The following RAD54B variants were observed in gnomAD, a reference collection of about 807,000 sequenced individuals.
RAD54B encodes the protein RAD54 homolog B, also known as DNA repair and recombination protein RAD54B.
A neutral mutation model predicts 95.8 loss-of-function variants in RAD54B; 78 were observed. The observed-to-expected ratio is 0.81, with a 90% confidence interval of 0.68 to 0.98. The LOEUF (loss-of-function observed/expected upper bound fraction) is 0.98, where lower values mean the gene tolerates loss of function less well. RAD54B is among the 50% of genes least tolerant of loss of function. The probability of loss-of-function intolerance (pLI) is 0.00; values close to 1 mark genes in which losing one functional copy is unlikely to be tolerated. For missense variants in RAD54B, 957 were observed against 1,056.6 expected (o/e 0.91, Z 1.31); for synonymous variants, 328 against 354.9 (o/e 0.92, Z 0.85).
chr8:94,402,158 T>G (rs1409964690), intron 6 of RAD54B, among the ~76,000 whole-genome samples: 1 of 152,198 alleles, frequency 6.6e-6, no homozygotes, highest in Non-Finnish European at 1.5e-5. Flanking sequence ...TTATTTATGA[T>G]TTTTCTTCAA....
intron 6 of RAD54B, among the ~76,000 whole-genome samples, chr8:94,402,110 A>G (rs548376488): frequency 1.3e-5 from 2 of 152,324 alleles, no homozygotes; most frequent in African/African-American, 4.8e-5. Context: ...TTTCATGACT[A>G]CCATCACGAT....
chr8:94,445,287 G>C (rs1812495356), intron 3 of RAD54B, among the ~76,000 whole-genome samples: 1 of 152,036 alleles, frequency 6.6e-6, no homozygotes, highest in East Asian at 1.9e-4. Context: ...CTCCCAAAAG[G>C]CCCTACCTCC....
intron 3 of RAD54B, among the ~76,000 whole-genome samples, chr8:94,412,211 T>C (rs1338676826): frequency 6.6e-6 from 1 of 152,184 alleles, no homozygotes; most frequent in Non-Finnish European, 1.5e-5. Context: ...ATTGCCTTCT[T>C]TTTAAAGGCT....
At chr8:94,437,070 T>C in intron 3 of RAD54B, 1 of 1,006,680 alleles carries the variant, frequency 9.9e-7, no homozygotes, top group Non-Finnish European at 1.3e-6. Context: ...AAGCCTGACC[T>C]ACATAAAGCT....
intron 5 of RAD54B, among the ~76,000 whole-genome samples, chr8:94,405,569 G>A (rs941679557): frequency 6.6e-6 from 1 of 152,202 alleles, no homozygotes; most frequent in Non-Finnish European, 1.5e-5. Context: ...ATTCCTGTTA[G>A]GTAGGAGACT....
chr8:94,431,469 T>G, intron 3 of RAD54B: 1 of 982,386 alleles, frequency 1.0e-6, no homozygotes, highest in Non-Finnish European at 1.2e-6. Context: ...TAGAGAATGT[T>G]TTAGTGGATA....
intron 3 of RAD54B, among the ~76,000 whole-genome samples, chr8:94,435,974 T>A (rs982137733): frequency 1.3e-5 from 2 of 152,152 alleles, no homozygotes; most frequent in African/African-American, 2.4e-5. Flanking sequence ...ATATACACAA[T>A]CATGCCATTA....
intron 1 of RAD54B, among the ~76,000 whole-genome samples, chr8:94,468,893 G>A (rs139353048): frequency 4.7e-4 from 71 of 152,148 alleles, no homozygotes; most frequent in African/African-American, 1.6e-3. Context: ...GGAGGCTGAG[G>A]TGAGGGGGAT....
intron 2 of RAD54B, among the ~76,000 whole-genome samples, chr8:94,459,748 T>A (rs908431334): frequency 1.3e-5 from 2 of 151,656 alleles, no homozygotes; most frequent in African/African-American, 4.8e-5. Context: ...TAATCCCAGC[T>A]GCTCAGGAGG....
chr8:94,393,865 CAT>C lies in RAD54B; in HGVS notation c.1394_1395del (p.Asn465ArgfsTer10). 1 of 1,606,092 alleles carries C rather than the reference CAT, an allele frequency of 6.2e-7. No homozygotes were observed. Among genetic ancestry groups the C allele is most frequent in the Non-Finnish European group, 8.5e-7 (1 of 1,175,962 alleles). ...ATTAATGCAAAAAATTCTTGCAGAT[CAT>C]TCTGAATTGGAGTACCTAAAGAGAG... ...RIILTGTPIQ[N>X]DLQEFFALID... is the part of the protein sequence containing the mutation. On this transcript the variant is annotated frameshift_variant, in exon 9 of 15. Coordinates refer to ENST00000336148, the MANE Select transcript of RAD54B (RefSeq NM_012415.3). LOFTEE classifies it high-confidence loss of function.
At chr8:94,416,699 T>C (rs1391608154) in intron 3 of RAD54B, among the ~76,000 whole-genome samples, 2 of 152,008 alleles carry the variant, frequency 1.3e-5, no homozygotes, top group Non-Finnish European at 2.9e-5. Context: ...TCACAACCAT[T>C]AGGATGGCTG....
At chr8:94,461,068 T>C (rs1205402546) in intron 2 of RAD54B, among the ~76,000 whole-genome samples, 1 of 152,090 alleles carries the variant, frequency 6.6e-6, no homozygotes, top group Non-Finnish European at 1.5e-5. Flanking sequence ...AGGGCCATTT[T>C]TTCTGTCTAC....
At chr8:94,425,116 G>A (rs1358544241) in intron 3 of RAD54B, among the ~76,000 whole-genome samples, 1 of 148,150 alleles carries the variant, frequency 6.7e-6, no homozygotes, top group African/African-American at 2.5e-5. Context: ...GGGAAATAAT[G>A]TCATTTAATA....
chr8:94,424,364 G>T (rs1047344831), intron 3 of RAD54B, among the ~76,000 whole-genome samples: 2 of 152,156 alleles, frequency 1.3e-5, no homozygotes, highest in African/African-American at 4.8e-5. Flanking sequence ...AAGGATTAGT[G>T]AATATATGTA....
At chr8:94,392,581 T>C (rs1432608487) in intron 9 of RAD54B, among the ~76,000 whole-genome samples, 1 of 151,452 alleles carries the variant, frequency 6.6e-6, no homozygotes, top group Non-Finnish European at 1.5e-5. Context: ...TTTTTTACCC[T>C]TACAGCTAAG....
intron 3 of RAD54B, among the ~76,000 whole-genome samples, chr8:94,424,946 C>A (rs1811906581): frequency 6.6e-6 from 1 of 151,520 alleles, no homozygotes; most frequent in South Asian, 2.1e-4. Flanking sequence ...CCTGTGGTTC[C>A]AGCTACTCAG....
At chr8:94,402,966 G>C (rs144334316) in intron 6 of RAD54B, among the ~76,000 whole-genome samples, 30 of 152,172 alleles carry the variant, frequency 2.0e-4, no homozygotes, top group Admixed American at 9.8e-4. Flanking sequence ...GAATGTGAGA[G>C]AGAAGAAATC....
At chr8:94,433,141 A>G (rs974408096) in intron 3 of RAD54B, among the ~76,000 whole-genome samples, 15 of 152,254 alleles carry the variant, frequency 9.9e-5, no homozygotes, top group Middle Eastern at 3.4e-3. Flanking sequence ...AAGGCCATCT[A>G]TGGGAGGTAC....
Position 94,372,265 on chromosome 8 carries a change from C to T in RAD54B, c.2638G>A (p.Asp880Asn). 6.2e-7 allele frequency: 1 copy of T among 1,613,092 alleles called. No homozygotes were observed. Among genetic ancestry groups the T allele is most frequent in the Non-Finnish European group, 8.5e-7 (1 of 1,179,748 alleles). Residue 880 changes from aspartate to asparagine, a missense_variant, in exon 15 of 15, where the codon GAT becomes AAT. By Grantham distance (23) the Asp-to-Asn change is conservative. Transcript: ENST00000336148. ...AAAGGATCTGTAAGATTTAAATGAT[C>T]TCCAGAAAAATGTTTCCATTGCTTC... The part of the protein sequence containing the change: ...QLKQWKHFSG[D>N]HLNLTDPFLE...
Sources: allele counts gnomAD v4.1 joint callset (sites outside exome capture counted in the v4.1 genomes callset), GRCh38; gene constraint gnomAD v4.1.1; transcripts MANE v1.5; gene names NCBI Gene and HGNC (gene_info 2026-07-23, HGNC 2026-07-21).